TAFA5: variants seen among roughly 807,000 people sequenced by gnomAD.
TAFA5 encodes the protein chemokine-like protein TAFA-5.
In TAFA5, 6 loss-of-function variants were observed where a neutral mutation model predicts 15.3. That is an observed-to-expected ratio of 0.39 (90% CI 0.21 to 0.77). The LOEUF is 0.77. Among genes scored for constraint, TAFA5 ranks in the 30% least tolerant of loss-of-function variants. The pLI is 0.41. For missense variants in TAFA5, 161 were observed against 193.1 expected (o/e 0.83, Z 0.98); for synonymous variants, 103 against 80.7 (o/e 1.28, Z -1.48).
intron 1 of TAFA5, among the ~76,000 whole-genome samples, chr22:48,576,050 C>T (rs1156584496): frequency 2.6e-5 from 3 of 114,496 alleles, no homozygotes; most frequent in Admixed American, 7.8e-5. Flanking sequence ...CCCCCCCCCC[C>T]CCCGCGCCGC....
chr22:48,679,267 C>T lies in TAFA5; in HGVS notation c.263-28450C>T, dbSNP rs1452411227. On this transcript the variant is annotated intron_variant, in intron 2 of 3. Coordinates refer to ENST00000402357, the MANE Select transcript of TAFA5 (RefSeq NM_001082967.3). ...CCCGTCCATCCCTCTCCCGGCTCCC[C>T]ATCCATCCCTCTTCCGGCTCCCCGT... 7.4e-3 allele frequency among the ~76,000 whole-genome samples: 407 copies of T among 54,834 alleles called. 38 individuals carry two copies. Among genetic ancestry groups the T allele is most frequent in the Admixed American group, 0.025 (106 of 4,286 alleles). 36.0% of individuals were successfully genotyped at this position (54,834 alleles called of 152,430 possible). A position where few individuals can be genotyped will look rare whatever the true frequency, so the allele number is the denominator to read the frequency against.
At chr22:48,557,987 G>A (rs1569024932) in intron 1 of TAFA5, among the ~76,000 whole-genome samples, 1 of 152,286 alleles carries the variant, frequency 6.6e-6, no homozygotes, top group Non-Finnish European at 1.5e-5. Context: ...TTGGAGCCAC[G>A]GAGCCCGCTC....
At chr22:48,514,590 C>G (rs1921337836) in intron 1 of TAFA5, among the ~76,000 whole-genome samples, 1 of 152,062 alleles carries the variant, frequency 6.6e-6, no homozygotes, top group African/African-American at 2.4e-5. Context: ...GCAGACCCTG[C>G]CCAGGGAGCT....
At chr22:48,724,284 G>A (rs1320902450) in intron 3 of TAFA5, among the ~76,000 whole-genome samples, 2 of 152,244 alleles carry the variant, frequency 1.3e-5, no homozygotes, top group Admixed American at 1.3e-4. Context: ...GCACTGTGTA[G>A]TCATGGCCAT....
chr22:48,509,151 T>A (rs544849992), intron 1 of TAFA5, among the ~76,000 whole-genome samples: 23 of 152,364 alleles, frequency 1.5e-4, no homozygotes, highest in Admixed American at 1.2e-3. Context: ...CTCATCCTTC[T>A]TTACGGCTGA....
At chr22:48,564,573 G>T (rs551914398) in intron 1 of TAFA5, among the ~76,000 whole-genome samples, 1 of 152,322 alleles carries the variant, frequency 6.6e-6, no homozygotes, top group African/African-American at 2.4e-5. Flanking sequence ...CACACCATGG[G>T]CTGGGGCTCC....
intron 1 of TAFA5, among the ~76,000 whole-genome samples, chr22:48,585,230 C>T (rs1169039579): frequency 1.3e-5 from 2 of 151,518 alleles, no homozygotes; most frequent in African/African-American, 4.9e-5. Context: ...AACCCACAAA[C>T]ATACCACATA....
In TAFA5 at chr22:48,588,228, C is replaced by T. The variant is rs189637548; in HGVS notation, c.113-58369C>T. 3.2e-4 allele frequency among the ~76,000 whole-genome samples: 49 copies of T among 152,344 alleles called. No homozygotes were observed. In the East Asian group the frequency reaches 9.1e-3, roughly 28 times the overall value. On this transcript the variant is annotated intron_variant, in intron 1 of 3. Transcript: ENST00000402357. ...GGTGCGTCTGGTGAGAGGGGCCTGG[C>T]CATGACCGCAGTGACTGCTCTTCAC...
intron 2 of TAFA5, among the ~76,000 whole-genome samples, chr22:48,649,501 T>C (rs188176570): frequency 2.6e-5 from 4 of 152,284 alleles, no homozygotes; most frequent in East Asian, 1.9e-4. Context: ...TTTGTCCTTA[T>C]TAAAAACATC....
chr22:48,596,845 G>GTGCTTCTGTGACC (rs1290888669), intron 1 of TAFA5, among the ~76,000 whole-genome samples: 2 of 152,116 alleles, frequency 1.3e-5, no homozygotes, highest in Non-Finnish European at 2.9e-5. Context: ...GTCTCCTTCT[G>GTGCTTCTGTGACC]TCACCCAAGC....
chr22:48,575,823 G>A (rs1365523980), intron 1 of TAFA5, among the ~76,000 whole-genome samples: 1 of 143,166 alleles, frequency 7.0e-6, no homozygotes, highest in Non-Finnish European at 1.5e-5. Context: ...CGATGGTGCG[G>A]CAGCCCCGCG....
chr22:48,634,966 G>A (rs1926393093), intron 1 of TAFA5, among the ~76,000 whole-genome samples: 1 of 152,176 alleles, frequency 6.6e-6, no homozygotes, highest in Non-Finnish European at 1.5e-5. Context: ...AGCAAGTCTG[G>A]CCCAAAGCAG....
chr22:48,585,859 A>G (rs1924338241), intron 1 of TAFA5, among the ~76,000 whole-genome samples: 2 of 152,142 alleles, frequency 1.3e-5, no homozygotes, highest in Admixed American at 1.3e-4. Flanking sequence ...AGACACACAC[A>G]CACAAACATA....
chr22:48,674,586 A>G (rs1006269971), intron 2 of TAFA5, among the ~76,000 whole-genome samples: 1 of 152,108 alleles, frequency 6.6e-6, no homozygotes, highest in Non-Finnish European at 1.5e-5. Context: ...GGGCTGATCC[A>G]TGTTAGTGCA....
At chr22:48,743,679 C>G (rs577903772) in intron 3 of TAFA5, among the ~76,000 whole-genome samples, 1 of 152,182 alleles carries the variant, frequency 6.6e-6, no homozygotes, top group African/African-American at 2.4e-5. Context: ...TGGGCCCCGC[C>G]GTGGGCAGCC....
At chr22:48,520,313 G>C (rs1347163383) in intron 1 of TAFA5, among the ~76,000 whole-genome samples, 1 of 152,258 alleles carries the variant, frequency 6.6e-6, no homozygotes, top group Non-Finnish European at 1.5e-5. Flanking sequence ...CTCGGGGTGT[G>C]AGGGTCCCAG....
intron 2 of TAFA5, among the ~76,000 whole-genome samples, chr22:48,686,138 G>A (rs1343439289): frequency 1.3e-5 from 2 of 152,214 alleles, no homozygotes; most frequent in African/African-American, 4.8e-5. Context: ...CGGGCAGGTG[G>A]AGGAGTTCCT....
chr22:48,677,351 G>T (rs572839871), intron 2 of TAFA5, among the ~76,000 whole-genome samples: 3 of 152,380 alleles, frequency 2.0e-5, no homozygotes, highest in Admixed American at 2.0e-4. Flanking sequence ...TTTCAGATGT[G>T]CAGTTCTGGG....
chr22:48,697,194 G>A (rs962504052), intron 2 of TAFA5, among the ~76,000 whole-genome samples: 2 of 152,218 alleles, frequency 1.3e-5, no homozygotes, highest in African/African-American at 4.8e-5. Flanking sequence ...CTGAACCCCA[G>A]CATCCTCATA....
Sources: allele counts gnomAD v4.1 joint callset (sites outside exome capture counted in the v4.1 genomes callset), GRCh38; gene constraint gnomAD v4.1.1; transcripts MANE v1.5; gene names NCBI Gene and HGNC (gene_info 2026-07-23, HGNC 2026-07-21).